Variants in COL22A1 observed in about 807,000 individuals in gnomAD.
The protein encoded by COL22A1 is collagen alpha-1(XXII) chain.
In COL22A1, 221 loss-of-function variants were observed where a neutral mutation model predicts 248.9. The ratio of observed to expected loss-of-function variants is 0.89; its 90% CI spans 0.80 to 0.99. The LOEUF (loss-of-function observed/expected upper bound fraction) is 0.99. Among genes scored for constraint, COL22A1 ranks in the 50% least tolerant of loss-of-function variants. The pLI, the probability that COL22A1 is intolerant of heterozygous loss-of-function variation, is 0.00. For synonymous variants in COL22A1, 891 were observed against 793.4 expected (o/e 1.12, Z -2.07); for missense variants, 2,240 against 2,179.0 (o/e 1.03, Z -0.56).
intron 10 of COL22A1, among the ~76,000 whole-genome samples, chr8:138,805,817 GGT>G (rs1281442711): frequency 1.4e-5 from 2 of 145,864 alleles, no homozygotes; most frequent in Non-Finnish European, 3.0e-5. Flanking sequence ...TATGTGTGAT[GGT>G]GTGTGTGTTT....
chr8:138,623,062 G>C (rs976391180), intron 52 of COL22A1, among the ~76,000 whole-genome samples: 1 of 151,424 alleles, frequency 6.6e-6, no homozygotes, highest in South Asian at 2.1e-4. Flanking sequence ...TCACAGATAC[G>C]GGTCTCTGTA....
intron 44 of COL22A1, among the ~76,000 whole-genome samples, chr8:138,658,032 G>A (rs1267251920): frequency 6.6e-6 from 1 of 152,064 alleles, no homozygotes; most frequent in African/African-American, 2.4e-5. Context: ...CCCTCAATCA[G>A]TCACTAGCAC....
At chr8:138,808,590 TAC>T (rs1342932556) in intron 9 of COL22A1, among the ~76,000 whole-genome samples, 2 of 152,214 alleles carry the variant, frequency 1.3e-5, no homozygotes, top group Non-Finnish European at 2.9e-5. Context: ...ATGTAATCTG[TAC>T]GTGTTCGATA....
In COL22A1 at chr8:138,694,496, T is replaced by A. The variant is rs901569778; in HGVS notation, c.2700+12A>T. On this transcript the variant is annotated intron_variant, in intron 34 of 64. Coordinates refer to ENST00000303045, the MANE Select transcript of COL22A1 (RefSeq NM_152888.3). ...GTCTCTGAGCCAGCAGGGGAAGGGA[T>A]GGTTTTCTTACCGGTGGTCCAGTGG... 1 of 1,613,486 alleles carries A rather than the reference T, an allele frequency of 6.2e-7. No homozygotes were observed. The highest frequency in any genetic ancestry group is 8.5e-7 in the Non-Finnish European group (1 of 1,179,572).
At chr8:138,883,903 T>C (rs937565916) in intron 1 of COL22A1, among the ~76,000 whole-genome samples, 12 of 152,124 alleles carry the variant, frequency 7.9e-5, no homozygotes, top group Non-Finnish European at 1.6e-4. Flanking sequence ...CCTAAAATCG[T>C]TCAGTGTCAC....
intron 44 of COL22A1, 38 bp from the exon 45 acceptor site, chr8:138,655,982 C>T (rs1040159645): frequency 6.6e-7 from 1 of 1,505,452 alleles, no homozygotes; most frequent in South Asian, 1.1e-5. Flanking sequence ...TACGTACATG[C>T]ATATATACAA....
chr8:138,892,720 C>T (rs998238254), intron 1 of COL22A1, among the ~76,000 whole-genome samples: 3 of 152,214 alleles, frequency 2.0e-5, no homozygotes, highest in Non-Finnish European at 4.4e-5. Context: ...CATTCCCATT[C>T]AGGGACCCAG....
Position 138,776,019 on chromosome 8 carries a change from C to T in COL22A1, c.1759-9G>A, listed in dbSNP as rs773217417. The T allele has an allele frequency of 6.2e-7, 1 of 1,614,016 alleles. No homozygotes were observed. Among genetic ancestry groups the T allele is most frequent in the Non-Finnish European group, 8.5e-7 (1 of 1,179,894 alleles). ...CGTTCTCCTTGGAGACCCTGGGGGA[C>T]AAAGAAAGAGCAGTGACCCAACATC... On this transcript the variant is annotated splice_polypyrimidine_tract_variant and intron_variant, in intron 15 of 64. Coordinates refer to ENST00000303045, the MANE Select transcript of COL22A1 (RefSeq NM_152888.3).
intron 22 of COL22A1, among the ~76,000 whole-genome samples, chr8:138,743,399 ATGG>A (rs781713881): frequency 2.0e-5 from 3 of 149,132 alleles, no homozygotes; most frequent in Non-Finnish European, 4.5e-5. Flanking sequence ...AGTGATTGTG[ATGG>A]TGGAGTTGAT....
intron 60 of COL22A1, among the ~76,000 whole-genome samples, chr8:138,601,460 T>C (rs961463607): frequency 6.6e-6 from 1 of 152,110 alleles, no homozygotes; most frequent in African/African-American, 2.4e-5. Flanking sequence ...GGGACGTCCA[T>C]GTCCGTGTCG....
chr8:138,590,774 G>A (rs1353219967), intron 64 of COL22A1, among the ~76,000 whole-genome samples: 1 of 152,110 alleles, frequency 6.6e-6, no homozygotes, highest in East Asian at 1.9e-4. Context: ...TGTGATTATT[G>A]CTGCATTGCA....
At chr8:138,750,913 C>T (rs1832538446) in intron 22 of COL22A1, among the ~76,000 whole-genome samples, 1 of 152,162 alleles carries the variant, frequency 6.6e-6, no homozygotes, top group African/African-American at 2.4e-5. Flanking sequence ...CTGCAGCCCT[C>T]CTCAGAAAGT....
At chr8:138,905,527 T>G (rs1814942248) in intron 1 of COL22A1, among the ~76,000 whole-genome samples, 3 of 152,108 alleles carry the variant, frequency 2.0e-5, no homozygotes, top group Admixed American at 2.0e-4. Context: ...GCTCCTACCT[T>G]AAGAGACCCT....
At chr8:138,709,778 A>G (rs1338179303) in intron 30 of COL22A1, among the ~76,000 whole-genome samples, 1 of 152,244 alleles carries the variant, frequency 6.6e-6, no homozygotes, top group Non-Finnish European at 1.5e-5. Flanking sequence ...CTAGAACTTA[A>G]AGTATAATAA....
At position 138,809,789 on chromosome 8, in the gene COL22A1, G is replaced by A. The variant is rs542465108; in HGVS notation, c.1450-1977C>T. ...TGCCTCGGCCTCCCAAAGTGAGAGG[G>A]TGTATTTCTTTATCCCTCCCTCTCA... On this transcript the variant is annotated intron_variant, in intron 9 of 64. Transcript: ENST00000303045. Among the ~76,000 whole-genome samples the A allele has an allele frequency of 9.9e-4, 151 of 152,126 alleles. 2 individuals carry two copies. Among genetic ancestry groups the A allele is most frequent in the Admixed American group, 7.8e-3 (119 of 15,280 alleles).
At chr8:138,743,649 G>A (rs933938800) in intron 22 of COL22A1, among the ~76,000 whole-genome samples, 1 of 152,168 alleles carries the variant, frequency 6.6e-6, no homozygotes, top group Non-Finnish European at 1.5e-5. Context: ...AATAAATTTT[G>A]TAGCAATAAA....
At chr8:138,701,420 A>G (rs920277919) in intron 31 of COL22A1, among the ~76,000 whole-genome samples, 7 of 152,198 alleles carry the variant, frequency 4.6e-5, no homozygotes, top group Non-Finnish European at 7.3e-5. Context: ...ACCACAATAC[A>G]TTAAAAAAAG....
rs530161224 is a variant in COL22A1, at chr8:138,765,111, A to C, written c.1804-2645T>G. 1.2e-4 allele frequency among the ~76,000 whole-genome samples: 18 copies of C among 152,348 alleles called. No individual in the cohort carries two copies. In the East Asian group the frequency reaches 3.5e-3, roughly 29 times the overall value. ...AAACTTGGCAAGGTTGGCAGGCCCA[A>C]GCACCAACAAGAAATGAGGAAACTG... On this transcript the variant is annotated intron_variant, in intron 16 of 64. Coordinates refer to ENST00000303045, the MANE Select transcript of COL22A1 (RefSeq NM_152888.3).
rs763212911 is a variant in COL22A1 at position 138,594,078 on chromosome 8, C to T, written c.4554G>A (p.Gly1518=). The T allele has an allele frequency of 1.3e-6, 2 of 1,590,058 alleles. No individual in the cohort carries two copies. The highest frequency in any genetic ancestry group is 2.3e-5 in the South Asian group (2 of 88,456). The change falls in exon 63 of 65, where the codon GGG becomes GGA. Residue 1518 remains glycine (G), a synonymous_variant. Coordinates refer to ENST00000303045, the MANE Select transcript of COL22A1 (RefSeq NM_152888.3). ...DGLPGRAGPM[G]EPGRPGQGGL... is the part of the protein sequence containing the mutation. ...CCCCCTGCCCAGGACGACCTGGCTCCCCCATGGGGCCGGCCCGGCCTGGAA... is the reference window on the plus strand; with the variant it reads ...CCCCCTGCCCAGGACGACCTGGCTCTCCCATGGGGCCGGCCCGGCCTGGAA...
Sources: allele counts gnomAD v4.1 joint callset (sites outside exome capture counted in the v4.1 genomes callset), GRCh38; gene constraint gnomAD v4.1.1; transcripts MANE v1.5; gene names NCBI Gene and HGNC (gene_info 2026-07-23, HGNC 2026-07-21).